BEND7: variants seen among roughly 807,000 people sequenced by gnomAD.
The protein encoded by BEND7 is BEN domain-containing protein 7.
In BEND7, 28 loss-of-function variants were observed where a neutral mutation model predicts 50.9. That is an observed-to-expected ratio of 0.55 (90% CI 0.41 to 0.75). BEND7 has a LOEUF of 0.75. BEND7 is among the 30% of genes least tolerant of loss of function. BEND7 has a pLI of 0.00. For synonymous variants in BEND7, 170 were observed against 183.9 expected, an observed-to-expected ratio of 0.92 and a Z score of 0.61; for missense variants, 477 against 491.3, an observed-to-expected ratio of 0.97 and a Z score of 0.28.
Position 13,528,453 on chromosome 10 carries a change from C to A in BEND7, c.61+20G>T. On this transcript the variant is annotated intron_variant, in intron 1 of 8. Transcript: ENST00000466271. Reference sequence around the variant, plus strand: ...GCGCGGCGCCCGCTGCCTGCCCCCGCCGCCCCGGCGGCCGCTTACCTCGGC... The same window carrying A: ...GCGCGGCGCCCGCTGCCTGCCCCCGACGCCCCGGCGGCCGCTTACCTCGGC... The A allele has an allele frequency of 9.9e-7, 1 of 1,010,142 alleles. No individual in the cohort carries two copies. Among genetic ancestry groups the A allele is most frequent in the Non-Finnish European group, 1.2e-6 (1 of 848,906 alleles). The allele number at this position is 1,010,142 out of a possible 1,614,324, so 62.6% of individuals were successfully genotyped here. A position where few individuals can be genotyped will look rare whatever the true frequency, so the allele number is the denominator to read the frequency against.
downstream of BEND7, among the ~76,000 whole-genome samples, chr10:13,440,477 G>A (rs1473941006): frequency 6.6e-6 from 1 of 152,112 alleles, no homozygotes; most frequent in Non-Finnish European, 1.5e-5. Context: ...GCCCCTACCC[G>A]CCCGCCTCTC....
chr10:13,502,797 AC>A (rs2077574340), intron 2 of BEND7: 1 of 628,738 alleles, frequency 1.6e-6, no homozygotes, highest in Non-Finnish European at 2.0e-6. Context: ...GGTGGCCGCC[AC>A]CCCTGACCCC....
intron 2 of BEND7, among the ~76,000 whole-genome samples, chr10:13,515,473 A>C (rs1255704786): frequency 3.9e-5 from 6 of 152,256 alleles, no homozygotes; most frequent in African/African-American, 1.2e-4. Flanking sequence ...ATGCAATACC[A>C]AGAAAACAAT....
At chr10:13,521,165 A>G (rs1186954124) in intron 2 of BEND7, among the ~76,000 whole-genome samples, 2 of 152,094 alleles carry the variant, frequency 1.3e-5, no homozygotes, top group Non-Finnish European at 2.9e-5. Context: ...TTTTTCAAGC[A>G]GCTCTGCTCC....
downstream of BEND7, chr10:13,439,099 G>T: frequency 7.3e-7 from 1 of 1,373,542 alleles, no homozygotes; most frequent in Non-Finnish European, 9.9e-7. Context: ...AATCTTAACA[G>T]CCTGACATCA....
intron 8 of BEND7, chr10:13,444,018 C>A (rs1184987231): frequency 6.6e-6 from 1 of 151,728 alleles, no homozygotes; most frequent in Non-Finnish European, 1.5e-5. Context: ...ATTTGGAAGC[C>A]CCATTTTAAA....
At chr10:13,439,182 AG>A, downstream of BEND7, 1 of 1,609,968 alleles carries the variant, frequency 6.2e-7, no homozygotes, top group Non-Finnish European at 8.5e-7. Context: ...TCAGAGAGAG[AG>A]GCAAGAGATG....
intron 2 of BEND7, among the ~76,000 whole-genome samples, chr10:13,516,550 A>G (rs2078686383): frequency 6.6e-6 from 1 of 152,062 alleles, no homozygotes. Context: ...ACATGGTGAA[A>G]CCCCGTCTCC....
At chr10:13,454,015 A>T (rs1378485296) in intron 6 of BEND7, among the ~76,000 whole-genome samples, 1 of 152,244 alleles carries the variant, frequency 6.6e-6, no homozygotes, top group Admixed American at 6.5e-5. Context: ...CGATGTCAGT[A>T]GCATGGCAGA....
At chr10:13,510,807 C>T (rs1200121764) in intron 2 of BEND7, among the ~76,000 whole-genome samples, 1 of 152,062 alleles carries the variant, frequency 6.6e-6, no homozygotes. Flanking sequence ...CTGTGACACA[C>T]ACACACATTT....
intron 5 of BEND7, among the ~76,000 whole-genome samples, chr10:13,491,430 T>C (rs770468240): frequency 6.6e-5 from 10 of 152,028 alleles, no homozygotes; most frequent in Non-Finnish European, 7.4e-5. Context: ...CTCAGGGCCC[T>C]AGTTGCAATA....
At chr10:13,523,142 G>C (rs888385018) in intron 2 of BEND7, among the ~76,000 whole-genome samples, 14 of 152,200 alleles carry the variant, frequency 9.2e-5, no homozygotes, top group Non-Finnish European at 1.5e-4. Flanking sequence ...TGAGTTCAGA[G>C]TATCTTCTAT....
At position 13,528,738 on chromosome 10, in the gene BEND7, C is replaced by G. The variant is rs1383911618; in HGVS notation, c.-205G>C. 5.9e-5 allele frequency: 9 copies of G among 151,458 alleles called. No individual in the cohort carries two copies. In the Admixed American group the frequency reaches 6.1e-4, roughly 10 times the overall value. The allele number at this position is 151,458 out of a possible 1,614,324, so 9.4% of individuals were successfully genotyped here. A position where few individuals can be genotyped will look rare whatever the true frequency, so the allele number is the denominator to read the frequency against. On this transcript the variant is annotated 5_prime_UTR_variant, in exon 1 of 9. Coordinates refer to ENST00000466271, the MANE Select transcript of BEND7 (RefSeq NM_001369863.1). ...TCGGGGCTGCAGGCGCGGGGCCCGGCGGCGTGGGCTCCCGGGCGAAGTTGC... is the reference window on the plus strand; with the variant it reads ...TCGGGGCTGCAGGCGCGGGGCCCGGGGGCGTGGGCTCCCGGGCGAAGTTGC...
At chr10:13,513,510 C>T (rs2132506376) in intron 2 of BEND7, among the ~76,000 whole-genome samples, 1 of 152,286 alleles carries the variant, frequency 6.6e-6, no homozygotes, top group Middle Eastern at 3.4e-3. Context: ...GCTGTCTGAG[C>T]CAAAAACCTA....
At chr10:13,472,889 C>G (rs1048792842) in intron 6 of BEND7, among the ~76,000 whole-genome samples, 8 of 150,340 alleles carry the variant, frequency 5.3e-5, no homozygotes, top group African/African-American at 1.5e-4. Context: ...CTCTTAGACT[C>G]GGGGTTGATA....
At chr10:13,452,703 A>C (rs1342116618) in intron 6 of BEND7, 45 bp from the exon 7 acceptor site, 1 of 1,508,222 alleles carries the variant, frequency 6.6e-7, no homozygotes, top group African/African-American at 1.4e-5. Context: ...AACAAGTAAA[A>C]TATGCAGATC....
At chr10:13,490,994 G>A (rs542198280) in intron 5 of BEND7, among the ~76,000 whole-genome samples, 3 of 152,118 alleles carry the variant, frequency 2.0e-5, no homozygotes, top group South Asian at 2.1e-4. Context: ...AGTAGAGAAC[G>A]GGTTTTCCCA....
chr10:13,475,009 C>G (rs919187799), intron 6 of BEND7, among the ~76,000 whole-genome samples: 3 of 152,230 alleles, frequency 2.0e-5, no homozygotes, highest in African/African-American at 7.2e-5. Flanking sequence ...ACCCAGAAGT[C>G]TGAATTTCGA....
chr10:13,494,200 C>T (rs949469290), intron 4 of BEND7, among the ~76,000 whole-genome samples: 4 of 152,070 alleles, frequency 2.6e-5, no homozygotes, highest in East Asian at 1.9e-4. Context: ...GGGCGGATCA[C>T]GAGGTCAAGA....
Sources: allele counts gnomAD v4.1 joint callset (sites outside exome capture counted in the v4.1 genomes callset), GRCh38; gene constraint gnomAD v4.1.1; transcripts MANE v1.5; gene names NCBI Gene and HGNC (gene_info 2026-07-23, HGNC 2026-07-21).